The following ITFG2 variants were observed in gnomAD, a reference collection of about 807,000 sequenced individuals.
ITFG2 encodes KICSTOR complex protein ITFG2.
In ITFG2, 36 loss-of-function variants were observed where a neutral mutation model predicts 54.4. That is an observed-to-expected ratio of 0.66 (90% CI 0.51 to 0.87). The LOEUF (loss-of-function observed/expected upper bound fraction) is 0.87. Ranked by LOEUF, ITFG2 falls within the 40% of genes least tolerant of loss-of-function variation. The pLI is 0.00. For synonymous variants in ITFG2, 211 were observed against 225.4 expected, an observed-to-expected ratio of 0.94 and a Z score of 0.57; for missense variants, 524 against 576.7, an observed-to-expected ratio of 0.91 and a Z score of 0.94.
intron 2 of ITFG2, chr12:2,830,573 T>A: frequency 1.1e-6 from 1 of 908,260 alleles, no homozygotes; most frequent in East Asian, 2.8e-5. Context: ...AGGATCCTGG[T>A]TAGGTCCAGG....
chr12:2,839,616 T>G (rs1451387226), intron 1 of ITFG2, among the ~76,000 whole-genome samples: 3 of 152,194 alleles, frequency 2.0e-5, no homozygotes, highest in Non-Finnish European at 2.9e-5. Context: ...TACTGGACGC[T>G]GAGCTAGGCC....
chr12:2,837,683 G>A (rs1055958034), intron 1 of ITFG2, among the ~76,000 whole-genome samples: 1 of 152,014 alleles, frequency 6.6e-6, no homozygotes, highest in African/African-American at 2.4e-5. Context: ...TTAAAAATTA[G>A]CCAGGTGTGG....
chr12:2,841,732 T>C (rs994462599), intron 2 of ITFG2, among the ~76,000 whole-genome samples: 2 of 151,342 alleles, frequency 1.3e-5, no homozygotes, highest in African/African-American at 4.9e-5. Flanking sequence ...TTTTTTTTTT[T>C]CTTTGAGACA....
chr12:2,826,772 G>T, downstream of ITFG2: 1 of 215,980 alleles, frequency 4.6e-6, no homozygotes, highest in Non-Finnish European at 9.1e-6. Context: ...GTCTAGTTGT[G>T]GGAGATAATG....
Position 2,838,991 on chromosome 12 carries a change from T to TA in ITFG2, n.147-1839dup, listed in dbSNP as rs536305340. Among the ~76,000 whole-genome samples the TA allele has an allele frequency of 2.2e-3, 317 of 143,354 alleles. 1 individual carries two copies. The highest frequency in any genetic ancestry group is 4.8e-3 in the African/African-American group (188 of 39,226). 94.0% of individuals were successfully genotyped at this position (143,354 alleles called of 152,430 possible). ...ATAACTTTTTTACCTAACAGAGAAT[T>TA]AAAAAAAAAAAACAATTTAGCTGGG... On this transcript the variant is annotated intron_variant and non_coding_transcript_variant, in intron 1 of 3. Coordinates refer to the ITFG2 transcript ENST00000537710.
At chr12:2,835,043 C>A, upstream of ITFG2, 1 of 1,463,804 alleles carries the variant, frequency 6.8e-7, no homozygotes, top group Non-Finnish European at 9.0e-7. Context: ...AGTGAGACTC[C>A]GGCTGGAAAA....
chr12:2,827,154 G>T (rs1264111061), downstream of ITFG2: 8 of 1,612,210 alleles, frequency 5.0e-6, no homozygotes, highest in Non-Finnish European at 6.8e-6. The surrounding 1 kb of genome is among the most constrained non-coding windows in gnomAD (Gnocchi z 4.0). Flanking sequence ...TTCCCCACAC[G>T]CCTCTTCTTC....
chr12:2,842,231 C>G (rs1457709419), intron 2 of ITFG2, among the ~76,000 whole-genome samples: 1 of 145,972 alleles, frequency 6.9e-6, no homozygotes, highest in East Asian at 2.1e-4. Flanking sequence ...AAGGGATTCT[C>G]CTGCCTCAGC....
chr12:2,838,991 T>TAA (rs536305340), intron 1 of ITFG2, among the ~76,000 whole-genome samples: 1 of 143,450 alleles, frequency 7.0e-6, no homozygotes. Context: ...AACAGAGAAT[T>TAA]AAAAAAAAAA....
chr12:2,858,875 G>T (rs764795562), intron 3 of ITFG2: 33 of 1,614,014 alleles, frequency 2.0e-5, no homozygotes, highest in Non-Finnish European at 2.8e-5. Flanking sequence ...AGGGGACGGA[G>T]ATGAGGTCTA....
At chr12:2,834,846 A>C (rs1209713479), upstream of ITFG2, 2 of 1,613,262 alleles carry the variant, frequency 1.2e-6, no homozygotes, top group East Asian at 4.5e-5. Flanking sequence ...CCCCTGCTGG[A>C]GGAGTGGGCC....
At chr12:2,836,731 G>A (rs564283715), upstream of ITFG2, 1 of 152,276 alleles carries the variant, frequency 6.6e-6, no homozygotes, top group African/African-American at 2.4e-5. Context: ...ATATGACTGC[G>A]CTCTTATTAA....
chr12:2,821,772 C>CTGGAGAAACTGGATGTCACCGTGAG lies in ITFG2; in HGVS notation c.933_948+9dup, dbSNP rs769394605. The stretch of plus-strand genomic sequence containing the variant: ...GCAGGTGGATCACCAGCTCTTTGCC[C>CTGGAGAAACTGGATGTCACCGTGAG]TGGAGAAACTGGATGTCACCGTGAG... On this transcript the variant is annotated frameshift_variant, in exon 9 of 12. Coordinates refer to ENST00000228799, the MANE Select transcript of ITFG2 (RefSeq NM_018463.4). LOFTEE classifies it high-confidence loss of function. The CTGGAGAAACTGGATGTCACCGTGAG allele has an allele frequency of 2.0e-5, 33 of 1,613,852 alleles. No individual in the cohort carries two copies. The highest frequency in any genetic ancestry group is 2.6e-5 in the Non-Finnish European group (31 of 1,179,896).
At chr12:2,851,189 A>G (rs908103728) in intron 2 of ITFG2, among the ~76,000 whole-genome samples, 11 of 151,650 alleles carry the variant, frequency 7.3e-5, no homozygotes, top group Non-Finnish European at 1.6e-4. Flanking sequence ...AGATTTAAAG[A>G]TGTATAGGGC....
rs946987920 is a variant in ITFG2, at chr12:2,837,342, G to A, written n.146+386G>A. On this transcript the variant is annotated intron_variant and non_coding_transcript_variant, in intron 1 of 3. Transcript: ENST00000537710. ...AATACAAAAAAATTAGCCGGGCGCG[G>A]TGGCAGGCGCCTGTAGTCCCAGCTA... 2.0e-5 allele frequency among the ~76,000 whole-genome samples: 3 copies of A among 152,216 alleles called. No homozygotes were observed. In the East Asian group the frequency reaches 5.8e-4, roughly 29 times the overall value.
downstream of ITFG2, chr12:2,827,225 G>T (rs772857417): frequency 6.2e-7 from 1 of 1,614,128 alleles, no homozygotes. The surrounding 1 kb of genome is among the most constrained non-coding windows in gnomAD (Gnocchi z 4.0). Flanking sequence ...CAGGCTCTTG[G>T]TACAAAGGCA....
At chr12:2,832,716 C>T, upstream of ITFG2, among the ~76,000 whole-genome samples, 1 of 149,998 alleles carries the variant, frequency 6.7e-6, no homozygotes, top group Non-Finnish European at 1.5e-5. Flanking sequence ...CTACCTCACT[C>T]ATTTTTATAT....
intron 2 of ITFG2, chr12:2,857,383 C>T (rs761883198): frequency 5.5e-5 from 18 of 327,730 alleles, no homozygotes; most frequent in African/African-American, 1.0e-4. Flanking sequence ...CCCTACCCCT[C>T]GTGAGCTTGT....
upstream of ITFG2, chr12:2,834,904 G>A (rs1231833627): frequency 1.2e-6 from 2 of 1,613,804 alleles, no homozygotes; most frequent in Non-Finnish European, 1.7e-6. Context: ...GCTTCTTCCT[G>A]CCTGTCTCTG....
Sources: gnomAD v4.1 joint callset for allele counts (sites outside exome capture counted in the v4.1 genomes callset) on GRCh38, gnomAD v4.1.1 for gene constraint, Gnocchi (gnomAD v3.1) non-coding constraint, MANE v1.5 for transcripts, NCBI Gene and HGNC (gene_info 2026-07-23, HGNC 2026-07-21) for gene names.